The following KIAA0586 variants were observed in gnomAD, a reference collection of about 807,000 sequenced individuals.
KIAA0586 encodes KIAA0586.
A neutral mutation model predicts 169.8 loss-of-function variants in KIAA0586; 144 were observed. The observed-to-expected ratio is 0.85, with a 90% CI of 0.74 to 0.97. KIAA0586 has a LOEUF of 0.97. Ranked by LOEUF, KIAA0586 falls within the 50% of genes least tolerant of loss-of-function variation. The probability of loss-of-function intolerance (pLI) is 0.00; values close to 1 mark genes in which losing one functional copy is unlikely to be tolerated. For synonymous variants in KIAA0586, 625 were observed against 612.4 expected, an observed-to-expected ratio of 1.02 and a Z score of -0.30; for missense variants, 1,854 against 1,823.0, an observed-to-expected ratio of 1.02 and a Z score of -0.31.
intron 29 of KIAA0586, chr14:58,537,068 G>A (rs1396904289): frequency 2.4e-6 from 3 of 1,264,528 alleles, no homozygotes; most frequent in South Asian, 1.3e-5. Flanking sequence ...TTTTCAAGTT[G>A]TGTTGACCTA....
intron 30 of KIAA0586, among the ~76,000 whole-genome samples, chr14:58,546,818 C>A (rs2047012087): frequency 6.6e-6 from 1 of 152,118 alleles, no homozygotes; most frequent in Non-Finnish European, 1.5e-5. Flanking sequence ...GCTCTCAATC[C>A]ATGAAGTGGG....
chr14:58,508,650 C>T lies in KIAA0586; in HGVS notation c.4264C>T (p.Leu1422Phe). ...PNSKLVLPTTLLTAQENDVNL... is the reference protein window; with the variant it reads ...PNSKLVLPTTFLTAQENDVNL... The stretch of plus-strand genomic sequence containing the variant: ...TTCTAAGCTGGTTCTTCCCACAACA[C>T]TTCTGACAGCACAAGAAAATGATGT... The change falls in exon 28 of 31, where the codon CTT becomes TTT. Residue 1422 changes from leucine to phenylalanine, a missense_variant. Leu to Phe is a conservative substitution (Grantham distance 22, BLOSUM62 0). Coordinates refer to ENST00000652326, the MANE Select transcript of KIAA0586 (RefSeq NM_001329943.3). 1.3e-6 allele frequency: 2 copies of T among 1,595,072 alleles called. No individual in the cohort carries two copies. Among genetic ancestry groups the T allele is most frequent in the Non-Finnish European group, 8.5e-7 (1 of 1,170,076 alleles).
intron 30 of KIAA0586, among the ~76,000 whole-genome samples, chr14:58,545,013 G>A (rs1177856410): frequency 6.6e-6 from 1 of 152,108 alleles, no homozygotes; most frequent in Non-Finnish European, 1.5e-5. Flanking sequence ...TCCTATACAT[G>A]TTTATCTCCT....
chr14:58,462,718 A>T (rs1482623225), intron 14 of KIAA0586, among the ~76,000 whole-genome samples: 2 of 152,222 alleles, frequency 1.3e-5, no homozygotes, highest in East Asian at 1.9e-4. Flanking sequence ...ACACTGCTAT[A>T]AAAAACTACC....
chr14:58,530,717 A>T lies in KIAA0586; in HGVS notation c.4430-9354A>T, dbSNP rs563485118. 1.6e-4 allele frequency among the ~76,000 whole-genome samples: 25 copies of T among 152,254 alleles called. No individual in the cohort carries two copies. In the South Asian group the frequency reaches 5.2e-3, roughly 32 times the overall value. ...CAAGATGGATTAAAGACTTAAACAT[A>T]AGACCTAAAACCATAAAAACCCTAG... On this transcript the variant is annotated intron_variant, in intron 29 of 30. Coordinates refer to ENST00000652326, the MANE Select transcript of KIAA0586 (RefSeq NM_001329943.3).
rs200735064 is a variant in KIAA0586 at position 58,465,852 on chromosome 14, A to G, written c.2077A>G (p.Ile693Val). Residue 693 changes from isoleucine to valine, a missense_variant, in exon 15 of 31, where the codon ATA becomes GTA. Coordinates refer to ENST00000652326, the MANE Select transcript of KIAA0586 (RefSeq NM_001329943.3). ...TATTATAGGCACTAAGGTAAAGTCA[A>G]TAAGAACACAGACTGACTTCTATGC... ...ERVKGTKVKS[I>V]RTQTDFYATK... is the part of the protein sequence containing the mutation. The G allele has an allele frequency of 5.2e-5, 84 of 1,604,702 alleles. No individual in the cohort carries two copies. The highest frequency in any genetic ancestry group is 1.5e-4 in the African/African-American group (11 of 74,632).
intron 27 of KIAA0586, among the ~76,000 whole-genome samples, chr14:58,502,617 G>A (rs1300236003): frequency 1.3e-5 from 2 of 152,084 alleles, no homozygotes; most frequent in East Asian, 1.9e-4. Context: ...ATCTCATTAT[G>A]GTTATTAGGT....
At chr14:58,440,116 C>CA (rs1348556190) in intron 4 of KIAA0586, 5 of 401,138 alleles carry the variant, frequency 1.2e-5, no homozygotes, top group Non-Finnish European at 2.5e-5. Context: ...CTCCTGGGCT[C>CA]AAGCAGTCTT....
Position 58,488,809 on chromosome 14 carries a change from C to T in KIAA0586, c.3716C>T (p.Thr1239Ile). Residue 1239 changes from threonine (T) to isoleucine (I), a missense_variant, in exon 24 of 31, where the codon ACT (threonine) becomes ATT (isoleucine). Physicochemically the swap from Thr to Ile is moderately conservative, Grantham distance 89 (BLOSUM62 -1). Transcript: ENST00000652326. ...TLSVTVTETETLDKPISEGEI... is the reference protein window; with the variant it reads ...TLSVTVTETEILDKPISEGEI... Reference sequence around the variant, plus strand: ...AGTGTTACTGTCACTGAAACTGAAACTTTAGATAAACCCATCTCTGAAGGA... The same window carrying T: ...AGTGTTACTGTCACTGAAACTGAAATTTTAGATAAACCCATCTCTGAAGGA... The T allele has an allele frequency of 1.2e-6, 2 of 1,613,852 alleles. No individual in the cohort carries two copies. Among genetic ancestry groups the T allele is most frequent in the Non-Finnish European group, 8.5e-7 (1 of 1,179,812 alleles).
chr14:58,442,298 C>G (rs528061894), intron 4 of KIAA0586, among the ~76,000 whole-genome samples: 2 of 152,048 alleles, frequency 1.3e-5, no homozygotes, highest in South Asian at 4.2e-4. Context: ...TTAGTAGAGA[C>G]GGGGTTTCGC....
intron 6 of KIAA0586, 22 bp from the exon 7 acceptor site, chr14:58,448,317 TA>T: frequency 7.0e-7 from 1 of 1,429,140 alleles, no homozygotes; most frequent in Non-Finnish European, 9.6e-7. Flanking sequence ...TTGAAAATAA[TA>T]AAATAATCTT....
intron 26 of KIAA0586, among the ~76,000 whole-genome samples, chr14:58,495,250 A>G (rs193302331): frequency 7.9e-5 from 12 of 152,124 alleles, no homozygotes; most frequent in African/African-American, 2.9e-4. Flanking sequence ...GTATAAAAAT[A>G]TATTTGTGTA....
At chr14:58,517,610 C>T (rs1173673587) in intron 29 of KIAA0586, among the ~76,000 whole-genome samples, 1 of 152,136 alleles carries the variant, frequency 6.6e-6, no homozygotes, top group Non-Finnish European at 1.5e-5. Flanking sequence ...ACTCAGCAGT[C>T]CATTTCCTAT....
intron 27 of KIAA0586, among the ~76,000 whole-genome samples, chr14:58,502,403 G>A (rs943808037): frequency 1.3e-5 from 2 of 152,144 alleles, no homozygotes; most frequent in South Asian, 2.1e-4. Flanking sequence ...GCCTCCCAAA[G>A]TGCTGGGATT....
intron 27 of KIAA0586, among the ~76,000 whole-genome samples, chr14:58,508,212 A>T (rs1404510240): frequency 6.6e-6 from 1 of 152,252 alleles, no homozygotes; most frequent in Non-Finnish European, 1.5e-5. Context: ...CATTTTAGAT[A>T]GAAAGTATTC....
In KIAA0586 at chr14:58,441,308, C is replaced by T. The variant is rs776358063; in HGVS notation, c.411-1398C>T. The T allele has an allele frequency of 6.2e-5, 28 of 449,090 alleles. 1 individual carries two copies. The highest frequency in any genetic ancestry group is 5.3e-4 in the Middle Eastern group (1 of 1,894). The allele number at this position is 449,090 out of a possible 1,614,324, so 27.8% of individuals were successfully genotyped here. ...TCTACCTCCTCAGGCTCATGAGATCCTCCCACCTCAGCCTCCCGAGTAGCT... is the reference window on the plus strand; with the variant it reads ...TCTACCTCCTCAGGCTCATGAGATCTTCCCACCTCAGCCTCCCGAGTAGCT... On this transcript the variant is annotated intron_variant, in intron 4 of 30. Transcript: ENST00000652326.
In KIAA0586 at chr14:58,432,427, A is replaced by G; in HGVS notation, c.380A>G (p.Lys127Arg). Residue 127 changes from lysine to arginine, a missense_variant, in exon 4 of 31, where the codon AAA becomes AGA. Coordinates refer to ENST00000652326, the MANE Select transcript of KIAA0586 (RefSeq NM_001329943.3). ...ATTTCTCAGTATACAATGGGACAGA[A>G]AGATGCTCTAAGAACAGTTTTAAAG... ...IFISQYTMGQKDALRTVLKQK... is the reference protein window; with the variant it reads ...IFISQYTMGQRDALRTVLKQK... 6.4e-7 allele frequency: 1 copy of G among 1,568,334 alleles called. No individual in the cohort carries two copies. Among genetic ancestry groups the G allele is most frequent in the Non-Finnish European group, 8.6e-7 (1 of 1,157,412 alleles).
intron 2 of KIAA0586, among the ~76,000 whole-genome samples, 160 bp downstream of exon 2, chr14:58,429,593 T>C (rs2037189603): frequency 6.6e-6 from 1 of 152,188 alleles, no homozygotes; most frequent in Non-Finnish European, 1.5e-5. Context: ...CTTTGAATGG[T>C]GTTTGAGACA....
At position 58,427,965 on chromosome 14, in the gene KIAA0586, C is replaced by T; in HGVS notation, c.-300C>T. ...TGTGTTTGGTTTTGCCCTACCAGCT[C>T]TGGGGTTGGGGAGTGCACTGTTATG... On this transcript the variant is annotated 5_prime_UTR_variant, in exon 1 of 31. Coordinates refer to ENST00000652326, the MANE Select transcript of KIAA0586 (RefSeq NM_001329943.3). 2 of 1,409,554 alleles carry T rather than the reference C, an allele frequency of 1.4e-6. No homozygotes were observed. The highest frequency in any genetic ancestry group is 1.8e-6 in the Non-Finnish European group (2 of 1,083,494). The allele number at this position is 1,409,554 out of a possible 1,614,324, so 87.3% of individuals were successfully genotyped here.
Sources: gnomAD v4.1 joint callset for allele counts (sites outside exome capture counted in the v4.1 genomes callset) on GRCh38, gnomAD v4.1.1 for gene constraint, MANE v1.5 for transcripts, NCBI Gene and HGNC (gene_info 2026-07-23, HGNC 2026-07-21) for gene names.